The following FAM227B variants were observed in gnomAD, a reference collection of about 807,000 sequenced individuals.
The protein encoded by FAM227B is family with sequence similarity 227 member B.
In FAM227B, 88 loss-of-function variants were observed where a neutral mutation model predicts 73.8. The ratio of observed to expected loss-of-function variants is 1.19; its 90% CI spans 1.00 to 1.42. The LOEUF is 1.42. FAM227B is among the 40% of genes most tolerant of loss of function. The pLI, the probability that FAM227B is intolerant of heterozygous loss-of-function variation, is 0.00. For missense variants in FAM227B, 632 were observed against 590.9 expected, an observed-to-expected ratio of 1.07 and a Z score of -0.72; for synonymous variants, 210 against 190.5, an observed-to-expected ratio of 1.10 and a Z score of -0.84.
At chr15:49,503,349 C>A (rs1197996498) in intron 11 of FAM227B, among the ~76,000 whole-genome samples, 1 of 152,166 alleles carries the variant, frequency 6.6e-6, no homozygotes. Context: ...CAATATCATT[C>A]AGGACATAGG....
chr15:49,342,029 G>C (rs1211455615), intron 13 of FAM227B, among the ~76,000 whole-genome samples: 1 of 152,190 alleles, frequency 6.6e-6, no homozygotes. Context: ...GAAGTATTTT[G>C]TAGGTATCTC....
chr15:49,516,930 A>T (rs2059416263), intron 10 of FAM227B, among the ~76,000 whole-genome samples: 1 of 152,178 alleles, frequency 6.6e-6, no homozygotes, highest in Non-Finnish European at 1.5e-5. Flanking sequence ...GTGATATGAG[A>T]TCAGACACTT....
rs2046520523 is a variant in FAM227B at position 49,381,333 on chromosome 15, G to C, written c.1013-9934C>G. On this transcript the variant is annotated intron_variant, in intron 11 of 15. Coordinates refer to ENST00000299338, the MANE Select transcript of FAM227B (RefSeq NM_152647.3). ...AAATAAAAAGGCAAAACCTGATAAAGAAAAGGCTTACTATATGCCTGGTGT... is the reference window on the plus strand; with the variant it reads ...AAATAAAAAGGCAAAACCTGATAAACAAAAGGCTTACTATATGCCTGGTGT... Among the ~76,000 whole-genome samples, 3 of 152,148 alleles carry C rather than the reference G, an allele frequency of 2.0e-5. No individual in the cohort carries two copies. In the South Asian group the frequency reaches 6.2e-4, roughly 32 times the overall value.
chr15:49,414,117 A>G (rs1388428334), intron 11 of FAM227B, among the ~76,000 whole-genome samples: 1 of 152,072 alleles, frequency 6.6e-6, no homozygotes, highest in Non-Finnish European at 1.5e-5. Flanking sequence ...GTATGTCATA[A>G]TGCACACTAT....
chr15:49,458,995 T>C (rs913537700), intron 11 of FAM227B, among the ~76,000 whole-genome samples: 2 of 152,152 alleles, frequency 1.3e-5, no homozygotes, highest in Non-Finnish European at 2.9e-5. Flanking sequence ...TTCGTTTGAT[T>C]GTCCTTCATT....
intron 10 of FAM227B, among the ~76,000 whole-genome samples, chr15:49,516,280 T>C (rs183098242): frequency 5.3e-5 from 8 of 152,114 alleles, no homozygotes; most frequent in African/African-American, 9.7e-5. Context: ...GTGTAAAACA[T>C]AAATGTAGGG....
At chr15:49,554,087 T>C (rs1598181298) in intron 9 of FAM227B, among the ~76,000 whole-genome samples, 2 of 152,164 alleles carry the variant, frequency 1.3e-5, no homozygotes, top group East Asian at 1.9e-4. Flanking sequence ...TCTAGAAATG[T>C]CATCTGGAAA....
chr15:49,469,109 C>T (rs1321692663), intron 11 of FAM227B, among the ~76,000 whole-genome samples: 1 of 152,008 alleles, frequency 6.6e-6, no homozygotes. Flanking sequence ...ATAAATGACT[C>T]ATAAAACATC....
intron 11 of FAM227B, among the ~76,000 whole-genome samples, chr15:49,409,218 A>G (rs1486163894): frequency 6.6e-6 from 1 of 152,114 alleles, no homozygotes; most frequent in African/African-American, 2.4e-5. Flanking sequence ...TGAACTGACC[A>G]TGTCAACAAG....
intron 11 of FAM227B, among the ~76,000 whole-genome samples, chr15:49,476,670 T>A (rs1364834810): frequency 6.6e-6 from 1 of 152,202 alleles, no homozygotes; most frequent in Non-Finnish European, 1.5e-5. Flanking sequence ...GTACAAATAG[T>A]TTCTCTACAC....
chr15:49,422,454 A>G lies in FAM227B; in HGVS notation c.1013-51055T>C, dbSNP rs565894146. 5 of 1,082,306 alleles carry G rather than the reference A, an allele frequency of 4.6e-6. No individual in the cohort carries two copies. The East Asian group carries it at 1.3e-4, about 28-fold the overall frequency. The allele number at this position is 1,082,306 out of a possible 1,614,324, so 67.0% of individuals were successfully genotyped here. ...CAATATTCTTATTGAGGCAAAAATC[A>G]AACACTGATAATCAATGTGAAACCA... On this transcript the variant is annotated intron_variant, in intron 11 of 15. Coordinates refer to ENST00000299338, the MANE Select transcript of FAM227B (RefSeq NM_152647.3).
chr15:49,414,930 A>G (rs964155776), intron 11 of FAM227B, among the ~76,000 whole-genome samples: 16 of 152,206 alleles, frequency 1.1e-4, no homozygotes, highest in Non-Finnish European at 1.3e-4. Context: ...TTTCTCATGC[A>G]TAAGTTATTG....
chr15:49,401,564 C>T (rs1165486182), intron 11 of FAM227B, among the ~76,000 whole-genome samples: 7 of 147,022 alleles, frequency 4.8e-5, no homozygotes, highest in African/African-American at 2.5e-5. Flanking sequence ...ATGTTTATTG[C>T]GGCATTATTC....
chr15:49,427,075 C>T (rs2050194590), intron 11 of FAM227B, among the ~76,000 whole-genome samples: 1 of 151,838 alleles, frequency 6.6e-6, no homozygotes. Flanking sequence ...TGGAGAATAA[C>T]ATGTTAGAAG....
At chr15:49,338,709 C>A (rs1021309062) in intron 13 of FAM227B, among the ~76,000 whole-genome samples, 1 of 152,190 alleles carries the variant, frequency 6.6e-6, no homozygotes, top group Non-Finnish European at 1.5e-5. Context: ...TGGATAATAT[C>A]CTGAAGAGTG....
At chr15:49,549,627 C>A (rs12050723) in intron 9 of FAM227B, among the ~76,000 whole-genome samples, 105,689 of 150,494 alleles carry the variant, frequency 0.7, 37,483 homozygotes, top group East Asian at 0.92. Context: ...CACATGATTC[C>A]GAGAGCACAG....
chr15:49,527,420 G>A (rs2060285040), intron 10 of FAM227B, among the ~76,000 whole-genome samples: 1 of 151,834 alleles, frequency 6.6e-6, no homozygotes, highest in Non-Finnish European at 1.5e-5. Flanking sequence ...ATGGGAAAAA[G>A]CTGGAAACAT....
chr15:49,473,393 T>C (rs926878992), intron 11 of FAM227B, among the ~76,000 whole-genome samples: 2 of 152,180 alleles, frequency 1.3e-5, no homozygotes, highest in Non-Finnish European at 2.9e-5. Flanking sequence ...AAGCATAAAA[T>C]AACTCCAAAA....
Position 49,575,119 on chromosome 15 carries a change from A to G in FAM227B, c.547-10T>C. 1.4e-6 allele frequency: 2 copies of G among 1,449,804 alleles called. No homozygotes were observed. Among genetic ancestry groups the G allele is most frequent in the Non-Finnish European group, 1.9e-6 (2 of 1,045,098 alleles). The allele number at this position is 1,449,804 out of a possible 1,614,324, so 89.8% of individuals were successfully genotyped here. A position where few individuals can be genotyped will look rare whatever the true frequency, so the allele number is the denominator to read the frequency against. Reference sequence around the variant, plus strand: ...TTTTAAAAACTCTTTCCTATGGAAAAAAACAAGAGAGAGATGCATGGAGAT... The same window carrying G: ...TTTTAAAAACTCTTTCCTATGGAAAGAAACAAGAGAGAGATGCATGGAGAT... On this transcript the variant is annotated splice_polypyrimidine_tract_variant and intron_variant, in intron 7 of 15. Coordinates refer to ENST00000299338, the MANE Select transcript of FAM227B (RefSeq NM_152647.3).
Sources: gnomAD v4.1 joint callset for allele counts (sites outside exome capture counted in the v4.1 genomes callset) on GRCh38, gnomAD v4.1.1 for gene constraint, MANE v1.5 for transcripts, NCBI Gene and HGNC (gene_info 2026-07-23, HGNC 2026-07-21) for gene names.